The following PTCH1 variants were observed in gnomAD, a reference collection of about 807,000 sequenced individuals.
PTCH1 encodes the protein protein patched homolog 1.
PTCH1 carries 14 observed loss-of-function variants against 144.6 expected under a neutral mutation model. That is an observed-to-expected ratio of 0.10 (90% CI 0.06 to 0.15). The LOEUF is 0.15. PTCH1 is among the 10% of genes least tolerant of loss of function. PTCH1 has a pLI of 1.00. For missense variants in PTCH1, 1,623 were observed against 1,948.3 expected, an observed-to-expected ratio of 0.83 and a Z score of 3.14; for synonymous variants, 833 against 793.6, an observed-to-expected ratio of 1.05 and a Z score of -0.83.
chr9:95,453,182 G>T, intron 20 of PTCH1: 1 of 405,142 alleles, frequency 2.5e-6, no homozygotes, highest in Non-Finnish European at 4.7e-6. Flanking sequence ...ACCCAGGCTG[G>T]AGTGTAGTGG....
At chr9:95,488,388 A>G (rs1004817723) in intron 2 of PTCH1, among the ~76,000 whole-genome samples, 1 of 152,144 alleles carries the variant, frequency 6.6e-6, no homozygotes, top group Non-Finnish European at 1.5e-5. Context: ...TAGAGTTGAG[A>G]CTCTGAAGTC....
chr9:95,500,746 C>T (rs1366984747), intron 2 of PTCH1, among the ~76,000 whole-genome samples: 1 of 152,142 alleles, frequency 6.6e-6, no homozygotes, highest in East Asian at 1.9e-4. Flanking sequence ...CACACACTAG[C>T]CGGGCTTCTG....
At position 95,461,455 on chromosome 9, in the gene PTCH1, G is replaced by T. The variant is rs79646944; in HGVS notation, c.2703+401C>A. ...TACCCCAAATTCTGCTCATCCAAAT[G>T]ACTGCTACCCAAGAAATCCATCTTT... On this transcript the variant is annotated intron_variant, in intron 16 of 23. Transcript: ENST00000331920. Among the ~76,000 whole-genome samples, 1,200 of 152,228 alleles carry T rather than the reference G, an allele frequency of 7.9e-3. 9 individuals carry two copies. The highest frequency in any genetic ancestry group is 0.027 in the African/African-American group (1,133 of 41,524).
chr9:95,460,976 T>G (rs1353799275), intron 16 of PTCH1, among the ~76,000 whole-genome samples: 2 of 152,126 alleles, frequency 1.3e-5, no homozygotes, highest in Non-Finnish European at 2.9e-5. Flanking sequence ...TCTGTCACCT[T>G]GAATGCCAGC....
intron 16 of PTCH1, 56 bp downstream of exon 16, chr9:95,461,800 C>T (rs902120388): frequency 1.9e-6 from 3 of 1,609,870 alleles, no homozygotes; most frequent in African/African-American, 2.7e-5. Context: ...CAGCCTCCAC[C>T]AGGGCAGCGG....
intron 16 of PTCH1, 154 bp from the exon 17 acceptor site, chr9:95,459,937 T>C: frequency 1.2e-6 from 1 of 816,756 alleles, no homozygotes; most frequent in Non-Finnish European, 2.0e-6. Flanking sequence ...CAGAACACCT[T>C]TGATTTCTTT....
At chr9:95,506,291 C>G in intron 2 of PTCH1, 116 bp downstream of exon 2, 1 of 1,203,766 alleles carries the variant, frequency 8.3e-7, no homozygotes, top group Non-Finnish European at 1.1e-6. Context: ...CCCCCGGGTG[C>G]GGGCAGGGGG....
Position 95,508,230 on chromosome 9 carries a change from C to A in PTCH1, c.132G>T (p.Ala44=). ...RRTGGLRRAA[A]PDRDYLHRPS... is the part of the protein sequence containing the mutation. The stretch of plus-strand genomic sequence containing the variant: ...GCCGGTGCAGATAGTCCCGGTCCGG[C>A]GCGGCAGCACGGCGCAGCCCCCCCG... Residue 44 remains alanine, a synonymous_variant, in exon 1 of 24, where the codon GCG becomes GCT. Transcript: ENST00000331920. 1 of 1,610,282 alleles carries A rather than the reference C, an allele frequency of 6.2e-7. No homozygotes were observed. The highest frequency in any genetic ancestry group is 8.5e-7 in the Non-Finnish European group (1 of 1,179,352).
Position 95,507,478 on chromosome 9 carries a change from C to T in PTCH1, c.201+683G>A, listed in dbSNP as rs1177950679. On this transcript the variant is annotated intron_variant, in intron 1 of 23. Coordinates refer to ENST00000331920, the MANE Select transcript of PTCH1 (RefSeq NM_000264.5). ...ACAATGAACCCGGCAGCTCCGCAGA[C>T]TCGCACCGCGAATTTAAGGTGGCAA... 1.0e-5 allele frequency: 10 copies of T among 976,374 alleles called. No homozygotes were observed. The East Asian group carries it at 1.0e-3, about 100-fold the overall frequency. The allele number at this position is 976,374 out of a possible 1,614,324, so 60.5% of individuals were successfully genotyped here.
chr9:95,479,940 G>A (rs1052077222), intron 7 of PTCH1, 29 bp downstream of exon 7: 1 of 1,614,138 alleles, frequency 6.2e-7, no homozygotes, highest in Non-Finnish European at 8.5e-7. Flanking sequence ...AGACTACAGG[G>A]CATAGATTGT....
At chr9:95,447,982 C>A (rs1038668964) in intron 22 of PTCH1, among the ~76,000 whole-genome samples, 3 of 152,246 alleles carry the variant, frequency 2.0e-5, no homozygotes, top group Non-Finnish European at 4.4e-5. Context: ...TCCACAGCCA[C>A]GTGTGGCCGG....
Position 95,516,635 on chromosome 9 carries a change from G to T in PTCH1, c.-164C>A, listed in dbSNP as rs754728416. The T allele has an allele frequency of 5.6e-6, 9 of 1,609,468 alleles. No homozygotes were observed. In the East Asian group the frequency reaches 2.0e-4, roughly 36 times the overall value. On this transcript the variant is annotated 5_prime_UTR_variant, in exon 1 of 23. Coordinates refer to the PTCH1 transcript ENST00000430669. Reference sequence around the variant, plus strand: ...GTCTCCCCCTTGCCTTGTCGCTGCGGGTCTCTTTGTCTCCCCTGTCGTCTT... The same window carrying T: ...GTCTCCCCCTTGCCTTGTCGCTGCGTGTCTCTTTGTCTCCCCTGTCGTCTT...
intron 19 of PTCH1, among the ~76,000 whole-genome samples, chr9:95,455,122 G>A (rs559868906): frequency 6.6e-6 from 1 of 152,270 alleles, no homozygotes; most frequent in South Asian, 2.1e-4. Context: ...AAAATAATTT[G>A]AGCAGGCTCA....
chr9:95,478,865 G>A, intron 8 of PTCH1, 135 bp downstream of exon 8: 1 of 1,391,094 alleles, frequency 7.2e-7, no homozygotes, highest in South Asian at 1.3e-5. Context: ...GAGGAAAAAA[G>A]TTTTCATCCC....
intron 20 of PTCH1, chr9:95,450,161 G>A (rs1838340479): frequency 1.7e-5 from 10 of 579,616 alleles, no homozygotes; most frequent in Admixed American, 3.0e-5. Context: ...AACCCAAAGT[G>A]TTAGTTCATG....
In PTCH1 at chr9:95,467,268, A is replaced by G. The variant is rs1554694376; in HGVS notation, c.2408T>C (p.Met803Thr). The G allele has an allele frequency of 1.2e-6, 2 of 1,614,206 alleles. No homozygotes were observed. The highest frequency in any genetic ancestry group is 1.7e-6 in the Non-Finnish European group (2 of 1,180,034). ...GTCTGCTTTCTGGGTGACTATATAC[A>G]TGTTGTAGAAAGAAAAGTATTTGAA... is the stretch of plus-strand genomic sequence containing the variant. ...AQFKYFSFYN[M>T]YIVTQKADYP... The change falls in exon 15 of 24, where the codon ATG becomes ACG. Residue 803 changes from methionine to threonine, a missense_variant. Physicochemically the swap from Met to Thr is moderately conservative, Grantham distance 81. This residue lies in a region of PTCH1 where 504 missense variants were observed against 679.3 expected (regional missense o/e 0.74). Transcript: ENST00000331920.
Position 95,516,468 on chromosome 9 carries a change from C to T in PTCH1, c.3+1G>A. The stretch of plus-strand genomic sequence containing the variant: ...GCGGCCGCCGCGCTGGCTGCACTCA[C>T]CATAGCCGGCCGTCAACCCCTGCTC... On this transcript the variant is annotated splice_donor_variant, in intron 1 of 22. Coordinates refer to the PTCH1 transcript ENST00000430669. LOFTEE classifies it high-confidence loss of function. 1 of 1,522,124 alleles carries T rather than the reference C, an allele frequency of 6.6e-7. No individual in the cohort carries two copies. The highest frequency in any genetic ancestry group is 8.8e-7 in the Non-Finnish European group (1 of 1,139,724). 94.3% of individuals were successfully genotyped at this position (1,522,124 alleles called of 1,614,324 possible). A position where few individuals can be genotyped will look rare whatever the true frequency, so the allele number is the denominator to read the frequency against.
At chr9:95,465,978 T>C (rs1795873615) in intron 15 of PTCH1, among the ~76,000 whole-genome samples, 1 of 152,240 alleles carries the variant, frequency 6.6e-6, no homozygotes, top group African/African-American at 2.4e-5. Flanking sequence ...AGACTTTTTT[T>C]TCCCCTCCAG....
intron 2 of PTCH1, among the ~76,000 whole-genome samples, chr9:95,499,239 C>T (rs1842985187): frequency 1.3e-5 from 2 of 151,878 alleles, no homozygotes; most frequent in East Asian, 1.9e-4. Context: ...GGAATCACAT[C>T]TTCTGCCAAG....
Sources: gnomAD v4.1 joint callset for allele counts (sites outside exome capture counted in the v4.1 genomes callset) on GRCh38, gnomAD v4.1.1 for gene constraint, gnomAD v4.1.1 regional missense constraint, MANE v1.5 for transcripts, NCBI Gene and HGNC (gene_info 2026-07-23, HGNC 2026-07-21) for gene names.